PRKG1: variants seen among roughly 807,000 people sequenced by gnomAD.
PRKG1 encodes the protein protein kinase cGMP-dependent 1.
A neutral mutation model predicts 88.1 loss-of-function variants in PRKG1; 35 were observed. The ratio of observed to expected loss-of-function variants is 0.40; its 90% CI spans 0.30 to 0.53. The LOEUF is 0.53. Among genes scored for constraint, PRKG1 ranks in the 20% least tolerant of loss-of-function variants. The pLI, the probability that PRKG1 is intolerant of heterozygous loss-of-function variation, is 0.59. For synonymous variants in PRKG1, 303 were observed against 292.5 expected, an observed-to-expected ratio of 1.04 and a Z score of -0.37; for missense variants, 540 against 839.8, an observed-to-expected ratio of 0.64 and a Z score of 4.41.
chr10:51,619,892 A>G (rs748288554), intron 3 of PRKG1, among the ~76,000 whole-genome samples: 25 of 152,154 alleles, frequency 1.6e-4, no homozygotes, highest in Non-Finnish European at 2.6e-4. Flanking sequence ...CTAGAGAAGC[A>G]TCAATTGAGT....
At chr10:51,183,092 A>G (rs766555301) in intron 2 of PRKG1, among the ~76,000 whole-genome samples, 3 of 152,188 alleles carry the variant, frequency 2.0e-5, no homozygotes, top group Non-Finnish European at 2.9e-5. Flanking sequence ...TTACCTCCTT[A>G]AAGTGTTGCT....
chr10:51,915,547 A>G (rs58827845), intron 5 of PRKG1, among the ~76,000 whole-genome samples: 3,170 of 145,214 alleles, frequency 0.022, 111 homozygotes, highest in African/African-American at 0.082. Flanking sequence ...GTGTGTGTGT[A>G]TGTGTGTGTG....
At chr10:51,097,882 C>A (rs1844575736) in intron 1 of PRKG1, among the ~76,000 whole-genome samples, 1 of 152,068 alleles carries the variant, frequency 6.6e-6, no homozygotes, top group African/African-American at 2.4e-5. Context: ...TGGATCCTGG[C>A]ATGATTCTTG....
intron 6 of PRKG1, among the ~76,000 whole-genome samples, chr10:52,062,106 TAAAAC>T (rs1413456236): frequency 1.3e-5 from 2 of 152,080 alleles, no homozygotes; most frequent in East Asian, 3.8e-4. Context: ...AATAAATAAT[TAAAAC>T]AATATTAAGA....
Position 51,229,393 on chromosome 10 carries a change from C to G in PRKG1, c.478+76063C>G, listed in dbSNP as rs1192993877. 2.0e-5 allele frequency among the ~76,000 whole-genome samples: 3 copies of G among 152,120 alleles called. No individual in the cohort carries two copies. The East Asian group carries it at 5.8e-4, about 29-fold the overall frequency. Reference sequence around the variant, plus strand: ...AAATGTTCCGTTGTCCATGCCAGTACCAAACTGACTACTTCTTCCAGAAAT... The same window carrying G: ...AAATGTTCCGTTGTCCATGCCAGTAGCAAACTGACTACTTCTTCCAGAAAT... On this transcript the variant is annotated intron_variant, in intron 2 of 17. Coordinates refer to ENST00000373980, the MANE Select transcript of PRKG1 (RefSeq NM_006258.4).
chr10:51,423,582 T>A (rs950290241), intron 2 of PRKG1, among the ~76,000 whole-genome samples: 1 of 152,208 alleles, frequency 6.6e-6, no homozygotes, highest in Non-Finnish European at 1.5e-5. Flanking sequence ...ATTGAATTTA[T>A]TTTTCAATTT....
intron 3 of PRKG1, among the ~76,000 whole-genome samples, chr10:51,618,996 C>A (rs1056337898): frequency 6.8e-6 from 1 of 147,316 alleles, no homozygotes; most frequent in Non-Finnish European, 1.5e-5. Flanking sequence ...AGGCTGGTCT[C>A]CATCCCCTGA....
intron 2 of PRKG1, among the ~76,000 whole-genome samples, chr10:51,453,399 T>G (rs1839494619): frequency 6.6e-6 from 1 of 151,994 alleles, no homozygotes; most frequent in African/African-American, 2.4e-5. Flanking sequence ...TGAGGTGTGA[T>G]CTTAGGTTGT....
At chr10:51,755,881 C>A (rs974322522) in intron 3 of PRKG1, among the ~76,000 whole-genome samples, 2 of 152,186 alleles carry the variant, frequency 1.3e-5, no homozygotes, top group Admixed American at 1.3e-4. Flanking sequence ...TCCATGAATA[C>A]TTTCAATAAT....
At chr10:51,714,693 G>A (rs1024388622) in intron 3 of PRKG1, among the ~76,000 whole-genome samples, 3 of 152,132 alleles carry the variant, frequency 2.0e-5, no homozygotes, top group African/African-American at 7.2e-5. Context: ...TGTGGTCACT[G>A]AAAGACTGAT....
At chr10:51,614,789 AGCT>A (rs1839002574) in intron 3 of PRKG1, among the ~76,000 whole-genome samples, 1 of 152,026 alleles carries the variant, frequency 6.6e-6, no homozygotes, top group African/African-American at 2.4e-5. Context: ...TTTCTGCCAA[AGCT>A]GACCTAGTGG....
intron 4 of PRKG1, among the ~76,000 whole-genome samples, chr10:51,885,605 T>C (rs6480540): frequency 0.75 from 114,263 of 152,096 alleles, 43,395 homozygotes; most frequent in African/African-American, 0.87. Context: ...TCAAATCCTA[T>C]ATTCCAGCCA....
intron 3 of PRKG1, among the ~76,000 whole-genome samples, chr10:51,657,369 A>C (rs1840187086): frequency 6.6e-6 from 1 of 152,156 alleles, no homozygotes; most frequent in Non-Finnish European, 1.5e-5. Flanking sequence ...TTTCAGATGA[A>C]ATATAGTAAG....
intron 3 of PRKG1, among the ~76,000 whole-genome samples, chr10:51,499,820 G>A (rs1250418719): frequency 6.6e-6 from 1 of 152,126 alleles, no homozygotes; most frequent in African/African-American, 2.4e-5. Flanking sequence ...CATTAGTTGG[G>A]CTTGTTGATA....
chr10:51,328,106 C>A (rs1841639122), intron 2 of PRKG1, among the ~76,000 whole-genome samples: 1 of 152,170 alleles, frequency 6.6e-6, no homozygotes, highest in Admixed American at 6.5e-5. Flanking sequence ...TATCCTTCGA[C>A]CAATATCTTC....
At chr10:51,987,261 T>G (rs1432475564) in intron 5 of PRKG1, among the ~76,000 whole-genome samples, 1 of 151,912 alleles carries the variant, frequency 6.6e-6, no homozygotes, top group Non-Finnish European at 1.5e-5. Context: ...CAATGATGTA[T>G]GTACTTTTGT....
At chr10:52,250,899 A>G (rs1841154090) in intron 9 of PRKG1, among the ~76,000 whole-genome samples, 1 of 152,202 alleles carries the variant, frequency 6.6e-6, no homozygotes, top group African/African-American at 2.4e-5. Context: ...ACTTGCAAAC[A>G]TAAAGACACT....
intron 2 of PRKG1, among the ~76,000 whole-genome samples, chr10:51,282,680 C>T (rs1019832206): frequency 2.0e-5 from 3 of 152,080 alleles, no homozygotes; most frequent in African/African-American, 7.2e-5. Context: ...TATCCTTTTA[C>T]TAAATATTTC....
intron 3 of PRKG1, chr10:51,697,507 C>A: frequency 1.7e-6 from 1 of 604,956 alleles, no homozygotes; most frequent in Non-Finnish European, 2.9e-6. Context: ...AGACGCACTC[C>A]CTCCTCCCCC....
Sources: gnomAD v4.1 joint callset for allele counts (sites outside exome capture counted in the v4.1 genomes callset) on GRCh38, gnomAD v4.1.1 for gene constraint, MANE v1.5 for transcripts, NCBI Gene and HGNC (gene_info 2026-07-23, HGNC 2026-07-21) for gene names.